ZRANB1: variants seen among roughly 807,000 people sequenced by gnomAD.
The protein encoded by ZRANB1 is zinc finger RANBP2-type containing 1.
ZRANB1 carries 16 observed loss-of-function variants against 80.5 expected under a neutral mutation model. The observed-to-expected ratio is 0.20, with a 90% CI of 0.13 to 0.30. ZRANB1 has a LOEUF of 0.30. Among genes scored for constraint, ZRANB1 ranks in the 10% least tolerant of loss-of-function variants. The pLI is 1.00. For missense variants in ZRANB1, 576 were observed against 862.6 expected, an observed-to-expected ratio of 0.67 and a Z score of 4.16; for synonymous variants, 291 against 293.1, an observed-to-expected ratio of 0.99 and a Z score of 0.07.
At position 124,985,970 on chromosome 10, in the gene ZRANB1, A is replaced by G. The variant is rs1034311775; in HGVS notation, c.*978A>G. On this transcript the variant is annotated 3_prime_UTR_variant, in exon 9 of 9. Coordinates refer to ENST00000359653, the MANE Select transcript of ZRANB1 (RefSeq NM_017580.3). ...TTGCTTAGGCAGATTGGGAATACCA[A>G]TTCACTACAGAATAAAGATTTTAAA... 6 of 152,408 alleles carry G rather than the reference A, an allele frequency of 3.9e-5. No homozygotes were observed. The highest frequency in any genetic ancestry group is 3.4e-3 in the Middle Eastern group (1 of 294). 9.4% of individuals were successfully genotyped at this position (152,408 alleles called of 1,614,324 possible). A position where few individuals can be genotyped will look rare whatever the true frequency, so the allele number is the denominator to read the frequency against.
intron 1 of ZRANB1, among the ~76,000 whole-genome samples, chr10:124,958,870 A>G (rs1333720192): frequency 6.6e-6 from 1 of 152,204 alleles, no homozygotes; most frequent in Non-Finnish European, 1.5e-5. Context: ...TGAAATCTAT[A>G]TGAAAAATAC....
At chr10:124,917,187 C>CGCCGCT in the ZRANB1 span, 1 of 162,946 alleles carries the variant, frequency 6.1e-6, no homozygotes, top group African/African-American at 2.6e-5. Context: ...CCGCTGCCGC[C>CGCCGCT]GCCGCCGCCG....
intron 2 of ZRANB1, among the ~76,000 whole-genome samples, chr10:124,970,833 G>GTTTTTTTTT (rs34391929): frequency 1.2e-5 from 1 of 85,378 alleles, no homozygotes; most frequent in Admixed American, 1.6e-4. Flanking sequence ...TCTCTTTGGG[G>GTTTTTTTTT]TTTTTTTTTT....
At chr10:124,919,361 A>G in the ZRANB1 span, among the ~76,000 whole-genome samples, 1 of 152,188 alleles carries the variant, frequency 6.6e-6, no homozygotes, top group East Asian at 2.0e-4. Flanking sequence ...CCTGGCCAAC[A>G]TGGTGAAACC....
At chr10:124,921,363 C>T in the ZRANB1 span, among the ~76,000 whole-genome samples, 1 of 152,196 alleles carries the variant, frequency 6.6e-6, no homozygotes, top group Non-Finnish European at 1.5e-5. Flanking sequence ...TTCACTACTG[C>T]TACCTGTCAA....
intron 1 of ZRANB1, among the ~76,000 whole-genome samples, chr10:124,962,755 T>C (rs1442012026): frequency 1.3e-5 from 2 of 152,222 alleles, no homozygotes; most frequent in Non-Finnish European, 2.9e-5. Context: ...CCTTCATGTT[T>C]TAAGAAGTGT....
In ZRANB1 at chr10:124,983,073, C is replaced by T; in HGVS notation, c.1549-102C>T. 1 of 1,231,602 alleles carries T rather than the reference C, an allele frequency of 8.1e-7. No individual in the cohort carries two copies. The highest frequency in any genetic ancestry group is 1.1e-6 in the Non-Finnish European group (1 of 910,866). The allele number at this position is 1,231,602 out of a possible 1,614,324, so 76.3% of individuals were successfully genotyped here. A position where few individuals can be genotyped will look rare whatever the true frequency, so the allele number is the denominator to read the frequency against. The stretch of plus-strand genomic sequence containing the variant: ...TGACAATCTTTTCTTTCTTAAAAAC[C>T]AACTGCGATAGTATACTGAAGGGGA... On this transcript the variant is annotated intron_variant, in intron 6 of 8. Transcript: ENST00000359653. This position sits in a 1 kb window ranked among gnomAD's most constrained non-coding sequence, Gnocchi z 6.2.
chr10:124,926,993 C>T, the ZRANB1 span, among the ~76,000 whole-genome samples: 438 of 152,272 alleles, frequency 2.9e-3, 3 homozygotes, highest in African/African-American at 0.01. Context: ...GTCTCGCTGT[C>T]GCCCAGGCTG....
chr10:124,920,357 C>G, the ZRANB1 span, among the ~76,000 whole-genome samples: 1 of 152,202 alleles, frequency 6.6e-6, no homozygotes, highest in Non-Finnish European at 1.5e-5. Context: ...TTGTGCTCCA[C>G]TTATGCCTTA....
At chr10:124,961,019 A>T (rs1951728900) in intron 1 of ZRANB1, among the ~76,000 whole-genome samples, 6 of 148,298 alleles carry the variant, frequency 4.0e-5, no homozygotes, top group Admixed American at 2.0e-4. Context: ...TTTTTTTTTT[A>T]GACAGAGTTT....
chr10:124,973,313 T>C (rs1205772430), intron 3 of ZRANB1, among the ~76,000 whole-genome samples: 1 of 152,044 alleles, frequency 6.6e-6, no homozygotes, highest in Non-Finnish European at 1.5e-5. Context: ...CTGCCTTGTC[T>C]GATTAATTTT....
rs764150363 is a variant in ZRANB1, at chr10:124,942,994, A to G, written c.501A>G (p.Lys167=). The G allele has an allele frequency of 6.2e-7, 1 of 1,614,104 alleles. No homozygotes were observed. The highest frequency in any genetic ancestry group is 1.3e-5 in the African/African-American group (1 of 74,922). ...VCTYENWAKA[K]RCVVCDHPRP... The stretch of plus-strand genomic sequence containing the variant: ...CATATGAAAACTGGGCCAAGGCTAA[A>G]AGATGTGTTGTTTGTGATCATCCCA... The change falls in exon 1 of 9, where the codon AAA becomes AAG. Residue 167 remains lysine, a synonymous_variant. Transcript: ENST00000359653.
In ZRANB1 at chr10:124,987,996, C is replaced by G. The variant is rs1362218881; in HGVS notation, c.*3004C>G. ...AAACAGTTTCAAGGTTCACTTCCCTCCCTTGAACCAGGTCCAGGTCATTTT... is the reference window on the plus strand; with the variant it reads ...AAACAGTTTCAAGGTTCACTTCCCTGCCTTGAACCAGGTCCAGGTCATTTT... On this transcript the variant is annotated 3_prime_UTR_variant, in exon 9 of 9. Coordinates refer to ENST00000359653, the MANE Select transcript of ZRANB1 (RefSeq NM_017580.3). The G allele has an allele frequency of 6.6e-6, 1 of 152,498 alleles. No homozygotes were observed. Among genetic ancestry groups the G allele is most frequent in the Non-Finnish European group, 1.5e-5 (1 of 67,946 alleles). The allele number at this position is 152,498 out of a possible 1,614,324, so 9.4% of individuals were successfully genotyped here.
intron 5 of ZRANB1, among the ~76,000 whole-genome samples, chr10:124,978,781 C>T (rs1391417626): frequency 6.7e-6 from 1 of 148,568 alleles, no homozygotes; most frequent in Non-Finnish European, 1.5e-5. Context: ...CACATGCCAA[C>T]ATTCCCAGCT....
intron 5 of ZRANB1, among the ~76,000 whole-genome samples, chr10:124,975,745 C>CA (rs1165274753): frequency 6.6e-6 from 1 of 152,152 alleles, no homozygotes; most frequent in African/African-American, 2.4e-5. Flanking sequence ...CTCATGCCTG[C>CA]AATCCTATTG....
intron 1 of ZRANB1, among the ~76,000 whole-genome samples, chr10:124,948,288 A>G (rs923336856): frequency 6.6e-6 from 1 of 152,202 alleles, no homozygotes; most frequent in Non-Finnish European, 1.5e-5. Flanking sequence ...AATACAGTGT[A>G]TAATACATAT....
At position 124,942,921 on chromosome 10, in the gene ZRANB1, G is replaced by A; in HGVS notation, c.428G>A (p.Arg143Lys). 6.2e-7 allele frequency: 1 copy of A among 1,614,184 alleles called. No individual in the cohort carries two copies. Among genetic ancestry groups the A allele is most frequent in the African/African-American group, 1.3e-5 (1 of 75,044 alleles). The change falls in exon 1 of 9, where the codon AGA becomes AAA. Residue 143 changes from arginine to lysine, a missense_variant. Physicochemically the swap from Arg to Lys is conservative, Grantham distance 26. Coordinates refer to ENST00000359653, the MANE Select transcript of ZRANB1 (RefSeq NM_017580.3). The stretch of plus-strand genomic sequence containing the variant: ...GATCCTTGTGAGGAATACAATGATA[G>A]AAATAAACTGAACACTAGGACACAG... ...SVDPCEEYND[R>K]NKLNTRTQHW...
intron 1 of ZRANB1, among the ~76,000 whole-genome samples, chr10:124,964,035 C>G (rs975153070): frequency 6.6e-6 from 1 of 152,194 alleles, no homozygotes; most frequent in Non-Finnish European, 1.5e-5. Flanking sequence ...GTCTGCCATG[C>G]TGGGGAATGG....
In ZRANB1 at chr10:124,972,064, G is replaced by A. The variant is rs1722834592; in HGVS notation, c.1102G>A (p.Gly368Arg). Residue 368 changes from glycine to arginine, a missense_variant, in exon 3 of 9, where the codon GGG becomes AGG. Transcript: ENST00000359653. ...AGCTGCCTCTCTTCATCAGAGAAAGGGGGATTTTGCTTGCTATTTTCTGAC... is the reference window on the plus strand; with the variant it reads ...AGCTGCCTCTCTTCATCAGAGAAAGAGGGATTTTGCTTGCTATTTTCTGAC... The part of the protein sequence containing the change: ...EIAASLHQRK[G>R]DFACYFLTDL... 1 of 1,613,746 alleles carries A rather than the reference G, an allele frequency of 6.2e-7. No individual in the cohort carries two copies. Among genetic ancestry groups the A allele is most frequent in the African/African-American group, 1.3e-5 (1 of 74,918 alleles).
Sources: allele counts gnomAD v4.1 joint callset (sites outside exome capture counted in the v4.1 genomes callset), GRCh38; gene constraint gnomAD v4.1.1; non-coding constraint Gnocchi (gnomAD v3.1); transcripts MANE v1.5; gene names NCBI Gene and HGNC (gene_info 2026-07-23, HGNC 2026-07-21).